The following GRID2 variants were observed in gnomAD, a reference collection of about 807,000 sequenced individuals.
GRID2 encodes the protein glutamate receptor ionotropic, delta-2.
GRID2 carries 33 observed loss-of-function variants against 114.8 expected under a neutral mutation model. The observed-to-expected ratio is 0.29, with a 90% CI of 0.22 to 0.38. GRID2 has a LOEUF of 0.38. GRID2 is among the 10% of genes least tolerant of loss of function. The pLI is 1.00. For missense variants in GRID2, 1,184 were observed against 1,257.7 expected (o/e 0.94, Z 0.89); for synonymous variants, 505 against 449.9 (o/e 1.12, Z -1.55).
At chr4:93,770,404 A>G (rs2110337051) in intron 15 of GRID2, among the ~76,000 whole-genome samples, 1 of 152,366 alleles carries the variant, frequency 6.6e-6, no homozygotes, top group African/African-American at 2.4e-5. Flanking sequence ...TTAATGCACA[A>G]TAAATACGGC....
At chr4:92,804,129 A>T (rs545576208) in intron 2 of GRID2, among the ~76,000 whole-genome samples, 1 of 152,118 alleles carries the variant, frequency 6.6e-6, no homozygotes, top group East Asian at 2.0e-4. Flanking sequence ...GGACACCAGT[A>T]ACAACAGATT....
intron 1 of GRID2, among the ~76,000 whole-genome samples, chr4:92,458,691 A>G (rs1721332741): frequency 6.6e-6 from 1 of 152,196 alleles, no homozygotes. Context: ...GTAGTAGCAG[A>G]TAAAGATAAT....
intron 2 of GRID2, among the ~76,000 whole-genome samples, chr4:92,674,662 C>T (rs1733250085): frequency 6.6e-6 from 1 of 152,132 alleles, no homozygotes; most frequent in Non-Finnish European, 1.5e-5. Context: ...GCTGGGATTA[C>T]AGGCACCTAC....
In GRID2 at chr4:92,854,003, A is replaced by T. The variant is rs904455189; in HGVS notation, c.245-230992A>T. On this transcript the variant is annotated intron_variant, in intron 2 of 15. Transcript: ENST00000282020. Reference sequence around the variant, plus strand: ...CCATATCTAAAATCAATTTGAAATTAAAAAAAAAAAAAAGATGAGAACTGT... The same window carrying T: ...CCATATCTAAAATCAATTTGAAATTTAAAAAAAAAAAAAGATGAGAACTGT... 1.7e-4 allele frequency among the ~76,000 whole-genome samples: 24 copies of T among 140,848 alleles called. 1 individual carries two copies. Among genetic ancestry groups the T allele is most frequent in the South Asian group, 4.5e-4 (2 of 4,428 alleles). The allele number at this position is 140,848 out of a possible 152,430, so 92.4% of individuals were successfully genotyped here.
intron 10 of GRID2, among the ~76,000 whole-genome samples, chr4:93,447,129 G>A (rs991558177): frequency 5.3e-5 from 8 of 151,792 alleles, no homozygotes; most frequent in Non-Finnish European, 1.2e-4. Flanking sequence ...ACTGTTCCTA[G>A]AGCAAAGAGG....
At chr4:93,069,090 G>A (rs1262524852) in intron 2 of GRID2, among the ~76,000 whole-genome samples, 7 of 151,752 alleles carry the variant, frequency 4.6e-5, no homozygotes, top group Non-Finnish European at 7.4e-5. Flanking sequence ...ACAGTATCGG[G>A]GGGCTGGTAC....
At chr4:92,792,828 C>A (rs768435041) in intron 2 of GRID2, among the ~76,000 whole-genome samples, 1 of 150,382 alleles carries the variant, frequency 6.6e-6, no homozygotes, top group Non-Finnish European at 1.5e-5. Flanking sequence ...TGCCAGTCTA[C>A]GATCTGTAAA....
chr4:93,143,322 A>G (rs1560923190), intron 4 of GRID2, among the ~76,000 whole-genome samples: 1 of 152,304 alleles, frequency 6.6e-6, no homozygotes, highest in Non-Finnish European at 1.5e-5. Flanking sequence ...CTTGTTAATT[A>G]TTTCATAAAT....
intron 4 of GRID2, among the ~76,000 whole-genome samples, chr4:93,164,152 C>CG (rs369809991): frequency 0.044 from 6,580 of 150,296 alleles, 174 homozygotes; most frequent in South Asian, 0.086. Context: ...AAACCAAGCC[C>CG]GGGGGGGGAA....
chr4:93,050,136 A>G (rs13138538), intron 2 of GRID2, among the ~76,000 whole-genome samples: 58,137 of 151,936 alleles, frequency 0.38, 11,616 homozygotes, highest in Admixed American at 0.5. Context: ...CTGGAAAACA[A>G]AAATTGTCTA....
At chr4:93,634,482 A>G (rs1298942759) in intron 14 of GRID2, among the ~76,000 whole-genome samples, 3 of 152,320 alleles carry the variant, frequency 2.0e-5, no homozygotes, top group East Asian at 3.9e-4. Flanking sequence ...GATATGTTTC[A>G]TATAATGCTT....
chr4:92,382,243 G>GA (rs151283844), intron 1 of GRID2, among the ~76,000 whole-genome samples: 2 of 151,500 alleles, frequency 1.3e-5, no homozygotes, highest in Non-Finnish European at 2.9e-5. Context: ...AAGAGGAGCT[G>GA]AAAAAAAATA....
chr4:93,020,159 G>T (rs1199756163), intron 2 of GRID2, among the ~76,000 whole-genome samples: 2 of 152,060 alleles, frequency 1.3e-5, no homozygotes, highest in Non-Finnish European at 2.9e-5. Flanking sequence ...GTAACAATCT[G>T]AAACTAAAAT....
At chr4:92,739,180 CAA>C (rs1457456050) in intron 2 of GRID2, among the ~76,000 whole-genome samples, 1 of 152,124 alleles carries the variant, frequency 6.6e-6, no homozygotes, top group African/African-American at 2.4e-5. Flanking sequence ...CTTGAGAAGT[CAA>C]GTTACCCTAG....
At chr4:92,340,892 G>C (rs935579146) in intron 1 of GRID2, among the ~76,000 whole-genome samples, 1 of 152,066 alleles carries the variant, frequency 6.6e-6, no homozygotes, top group African/African-American at 2.4e-5. Context: ...TTTTTTCTGA[G>C]ACCACAAAGC....
chr4:93,771,194 AATATTGGGC>A (rs1302715121), intron 15 of GRID2, among the ~76,000 whole-genome samples: 1 of 152,172 alleles, frequency 6.6e-6, no homozygotes, highest in Non-Finnish European at 1.5e-5. Context: ...TTATTTCTCA[AATATTGGGC>A]GTTAATACTC....
intron 2 of GRID2, among the ~76,000 whole-genome samples, chr4:93,019,507 G>A (rs1279691081): frequency 6.6e-6 from 1 of 152,102 alleles, no homozygotes; most frequent in South Asian, 2.1e-4. Context: ...GATCAAAAAT[G>A]ATCTACATTT....
intron 2 of GRID2, among the ~76,000 whole-genome samples, chr4:92,633,970 G>A (rs1579727371): frequency 6.6e-6 from 1 of 151,568 alleles, no homozygotes; most frequent in African/African-American, 2.4e-5. Context: ...AAATAGATAA[G>A]CACAAGTTTA....
chr4:93,041,199 A>G (rs1725483707), intron 2 of GRID2, among the ~76,000 whole-genome samples: 1 of 152,158 alleles, frequency 6.6e-6, no homozygotes, highest in Admixed American at 6.6e-5. Flanking sequence ...TTGTTTGCAT[A>G]CTGATAGTGT....
Sources: gnomAD v4.1 joint callset for allele counts (sites outside exome capture counted in the v4.1 genomes callset) on GRCh38, gnomAD v4.1.1 for gene constraint, MANE v1.5 for transcripts, NCBI Gene and HGNC (gene_info 2026-07-23, HGNC 2026-07-21) for gene names.